DCC: variants seen among roughly 807,000 people sequenced by gnomAD.
DCC encodes the protein DCC netrin 1 receptor, also known as netrin receptor DCC.
Under a neutral mutation model 172.5 loss-of-function variants are expected in DCC, and 58 were observed. The ratio of observed to expected loss-of-function variants is 0.34; its 90% CI spans 0.27 to 0.42. The LOEUF is 0.42. DCC is among the 10% of genes least tolerant of loss of function. DCC has a pLI of 1.00. For synonymous variants in DCC, 709 were observed against 644.5 expected (o/e 1.10, Z -1.52); for missense variants, 1,740 against 1,791.0 (o/e 0.97, Z 0.51).
intron 5 of DCC, among the ~76,000 whole-genome samples, chr18:52,970,623 G>A (rs1194024387): frequency 6.6e-6 from 1 of 152,156 alleles, no homozygotes; most frequent in African/African-American, 2.4e-5. Flanking sequence ...CTAAATAAGT[G>A]TGGGAAATTT....
At chr18:52,942,644 C>T (rs888747487) in intron 5 of DCC, among the ~76,000 whole-genome samples, 1 of 152,110 alleles carries the variant, frequency 6.6e-6, no homozygotes, top group Non-Finnish European at 1.5e-5. Flanking sequence ...CCTGATAAAA[C>T]CATCAGATCT....
At chr18:52,725,957 T>C (rs140762607) in intron 1 of DCC, among the ~76,000 whole-genome samples, 124 of 152,312 alleles carry the variant, frequency 8.1e-4, no homozygotes, top group African/African-American at 2.8e-3. Context: ...CATTATCTTA[T>C]TTATTAGGGG....
Position 53,340,373 on chromosome 18 carries a change from G to A in DCC, c.2359+466G>A, listed in dbSNP as rs76548098. Among the ~76,000 whole-genome samples the A allele has an allele frequency of 2.2e-3, 341 of 152,038 alleles. 1 individual carries two copies. The highest frequency in any genetic ancestry group is 3.5e-3 in the Non-Finnish European group (239 of 67,984). ...ATCTAGTCATAGTGCCTTCTTTACC[G>A]TTAACATTCCAAATATGAATGTTAA... is the stretch of plus-strand genomic sequence containing the variant. On this transcript the variant is annotated intron_variant, in intron 15 of 28. Transcript: ENST00000442544.
chr18:53,103,518 T>C (rs1045560528), intron 7 of DCC, among the ~76,000 whole-genome samples: 11 of 152,046 alleles, frequency 7.2e-5, no homozygotes, highest in Non-Finnish European at 1.3e-4. Flanking sequence ...CTAGAACTTA[T>C]GGTGCCTTCT....
chr18:52,821,923 T>C (rs1350433547), intron 2 of DCC, among the ~76,000 whole-genome samples: 5 of 152,216 alleles, frequency 3.3e-5, no homozygotes, highest in Non-Finnish European at 7.3e-5. Context: ...CATGAAGTTA[T>C]AAACACAAAC....
chr18:52,860,519 A>G (rs2039124054), intron 2 of DCC, among the ~76,000 whole-genome samples: 1 of 152,248 alleles, frequency 6.6e-6, no homozygotes, highest in Non-Finnish European at 1.5e-5. Context: ...CTAGAATCTA[A>G]AAACATATGT....
At chr18:53,337,256 A>G (rs989561657) in intron 14 of DCC, among the ~76,000 whole-genome samples, 4 of 152,238 alleles carry the variant, frequency 2.6e-5, no homozygotes, top group Non-Finnish European at 5.9e-5. Flanking sequence ...TTATGATTTC[A>G]TATTGCTTTT....
intron 5 of DCC, among the ~76,000 whole-genome samples, chr18:53,033,561 C>CCT (rs762542133): frequency 2.9e-4 from 44 of 152,238 alleles, no homozygotes; most frequent in Non-Finnish European, 6.2e-4. Flanking sequence ...GCTGTCTCAG[C>CCT]CTCTCTATCA....
intron 15 of DCC, among the ~76,000 whole-genome samples, chr18:53,351,397 C>T (rs56190320): frequency 3.4e-4 from 6 of 17,762 alleles, no homozygotes; most frequent in African/African-American, 6.8e-4. Flanking sequence ...TATATATATA[C>T]AGTGTATATA....
At chr18:53,367,281 A>T (rs917269919) in intron 15 of DCC, among the ~76,000 whole-genome samples, 3 of 151,410 alleles carry the variant, frequency 2.0e-5, no homozygotes, top group Non-Finnish European at 4.4e-5. Flanking sequence ...GAAAAAAATG[A>T]GTATAGCCCT....
At chr18:53,455,254 C>G (rs1020928074) in intron 23 of DCC, among the ~76,000 whole-genome samples, 1 of 152,172 alleles carries the variant, frequency 6.6e-6, no homozygotes, top group Admixed American at 6.5e-5. Flanking sequence ...CTTTATTTGT[C>G]TGCCTAATAA....
chr18:53,293,376 TAAG>T (rs1368257374), intron 12 of DCC, among the ~76,000 whole-genome samples: 2 of 152,172 alleles, frequency 1.3e-5, no homozygotes, highest in African/African-American at 4.8e-5. Flanking sequence ...GTATAAAAAT[TAAG>T]AAGACCTCCA....
intron 3 of DCC, among the ~76,000 whole-genome samples, chr18:52,922,324 T>C (rs1028080249): frequency 4.6e-5 from 7 of 152,168 alleles, no homozygotes; most frequent in Non-Finnish European, 1.0e-4. Flanking sequence ...GTGTCCTTTT[T>C]ATTACACTGT....
intron 2 of DCC, among the ~76,000 whole-genome samples, chr18:52,844,059 ATC>A (rs1370048982): frequency 1.3e-5 from 2 of 152,166 alleles, no homozygotes; most frequent in African/African-American, 4.8e-5. Flanking sequence ...AAGAGAATTG[ATC>A]TCTCTTTGCC....
intron 2 of DCC, among the ~76,000 whole-genome samples, chr18:52,753,646 T>G (rs2037033418): frequency 6.6e-6 from 1 of 152,192 alleles, no homozygotes; most frequent in South Asian, 2.1e-4. Flanking sequence ...TCTTAACGCT[T>G]GGTAACATGT....
chr18:52,799,122 T>C (rs1446839580), intron 2 of DCC, among the ~76,000 whole-genome samples: 4 of 152,238 alleles, frequency 2.6e-5, no homozygotes, highest in African/African-American at 7.2e-5. Flanking sequence ...CTTGTGATGC[T>C]TAATACATAT....
rs1295885155 is a variant in DCC at position 53,049,978 on chromosome 18, C to CTTT, written c.986-13326_986-13324dup. On this transcript the variant is annotated intron_variant, in intron 5 of 28. Transcript: ENST00000442544. ...GAAACCTCAAAAGTAGGGAAACCAA[C>CTTT]TTTGTAGCCTTCAGTCTGTGGCCAA... Among the ~76,000 whole-genome samples the CTTT allele has an allele frequency of 3.9e-5, 6 of 152,214 alleles. No homozygotes were observed. In the East Asian group the frequency reaches 1.2e-3, roughly 30 times the overall value.
At chr18:52,744,755 C>G (rs977499173) in intron 1 of DCC, among the ~76,000 whole-genome samples, 1 of 152,112 alleles carries the variant, frequency 6.6e-6, no homozygotes, top group Non-Finnish European at 1.5e-5. Flanking sequence ...GGCTACAGCA[C>G]AGTTAAATGG....
chr18:53,370,434 CTATT>C (rs1212584153), intron 15 of DCC, among the ~76,000 whole-genome samples: 2 of 151,632 alleles, frequency 1.3e-5, no homozygotes, highest in East Asian at 1.9e-4. Context: ...TTCCTATTCT[CTATT>C]TATCTCTGCT....
Sources: allele counts gnomAD v4.1 joint callset (sites outside exome capture counted in the v4.1 genomes callset), GRCh38; gene constraint gnomAD v4.1.1; transcripts MANE v1.5; gene names NCBI Gene and HGNC (gene_info 2026-07-23, HGNC 2026-07-21).